Variants in CELF2 observed in about 807,000 individuals in gnomAD.
CELF2 encodes the protein CUGBP Elav-like family member 2, also known as CUG triplet repeat RNA-binding protein 2.
CELF2 carries 8 observed loss-of-function variants against 62.6 expected under a neutral mutation model. That is an observed-to-expected ratio of 0.13 (90% CI 0.07 to 0.23). The LOEUF is 0.23. Ranked by LOEUF, CELF2 falls within the 10% of genes least tolerant of loss-of-function variation. CELF2 has a pLI of 1.00. For synonymous variants in CELF2, 258 were observed against 250.0 expected, an observed-to-expected ratio of 1.03 and a Z score of -0.30; for missense variants, 333 against 671.0, an observed-to-expected ratio of 0.50 and a Z score of 5.56.
the CELF2 span, among the ~76,000 whole-genome samples, chr10:10,647,964 A>C: frequency 6.6e-6 from 1 of 152,208 alleles, no homozygotes. Context: ...ATTTTGATCC[A>C]CTTCCTTCAG....
intron 10 of CELF2, among the ~76,000 whole-genome samples, chr10:11,320,597 CAGCTGTTTAGAAAG>C (rs1278909133): frequency 9.3e-4 from 142 of 152,316 alleles, no homozygotes; most frequent in Middle Eastern, 3.4e-3. Flanking sequence ...CATCATCATT[CAGCTGTTTAGAAAG>C]TCCGTTTTCC....
chr10:10,746,357 C>G, the CELF2 span, among the ~76,000 whole-genome samples: 1 of 152,126 alleles, frequency 6.6e-6, no homozygotes, highest in African/African-American at 2.4e-5. Flanking sequence ...TTAGTCACCC[C>G]GTTTGCTTAC....
intron 1 of CELF2, among the ~76,000 whole-genome samples, chr10:10,805,634 AG>A (rs1351910176): frequency 6.6e-6 from 1 of 152,002 alleles, no homozygotes; most frequent in African/African-American, 2.4e-5. Context: ...TCTTTTAATG[AG>A]GGGGGGAGAC....
the CELF2 span, among the ~76,000 whole-genome samples, chr10:10,584,387 G>A: frequency 3.9e-5 from 6 of 152,300 alleles, no homozygotes; most frequent in South Asian, 8.3e-4. Context: ...ACAGCTGGGC[G>A]TATGCCTTAT....
rs2049020501 is a variant in CELF2 at position 10,957,383 on chromosome 10, TG to T, written c.89+37385del. On this transcript the variant is annotated intron_variant, in intron 2 of 13. Coordinates refer to the CELF2 transcript ENST00000636488. The surrounding 1 kb of genome is among the most constrained non-coding windows in gnomAD (Gnocchi z 4.1). ...GGATTCATTCGCTCTCGCTGAAGGA[TG>T]ATCTCAGATGCCTTCTGTTTGAATG... is the stretch of plus-strand genomic sequence containing the variant. 2.6e-5 allele frequency among the ~76,000 whole-genome samples: 4 copies of T among 152,248 alleles called. 1 individual carries two copies. Among genetic ancestry groups the T allele is most frequent in the Admixed American group, 1.3e-4 (2 of 15,284 alleles).
At chr10:10,479,879 T>TTTTTACC in the CELF2 span, among the ~76,000 whole-genome samples, 2 of 152,190 alleles carry the variant, frequency 1.3e-5, no homozygotes, top group Admixed American at 1.3e-4. Flanking sequence ...AATTTAACCC[T>TTTTTACC]TTTTACCTTT....
the CELF2 span, among the ~76,000 whole-genome samples, chr10:10,666,289 G>A: frequency 6.6e-6 from 1 of 152,174 alleles, no homozygotes; most frequent in Admixed American, 6.5e-5. Flanking sequence ...AGGTCGGGGT[G>A]CTGTGTTGGC....
chr10:10,908,160 C>T (rs1053223209), intron 1 of CELF2, among the ~76,000 whole-genome samples: 4 of 139,386 alleles, frequency 2.9e-5, no homozygotes, highest in African/African-American at 5.3e-5. Flanking sequence ...TACTCCTTTG[C>T]GGAATGAGGG....
chr10:10,472,836 C>T, the CELF2 span, among the ~76,000 whole-genome samples: 1 of 151,922 alleles, frequency 6.6e-6, no homozygotes, highest in African/African-American at 2.4e-5. Flanking sequence ...AGTCTGGCCT[C>T]CTGGAGGTTT....
the CELF2 span, among the ~76,000 whole-genome samples, chr10:10,607,157 T>C: frequency 2.0e-5 from 3 of 152,204 alleles, no homozygotes; most frequent in Non-Finnish European, 4.4e-5. Flanking sequence ...TCAGTAATAC[T>C]CCTAACACTG....
chr10:11,098,859 G>A lies in CELF2; in HGVS notation c.75-66627G>A, dbSNP rs558758732. On this transcript the variant is annotated intron_variant, in intron 1 of 12. Transcript: ENST00000633077. This position sits in a 1 kb window ranked among gnomAD's most constrained non-coding sequence, Gnocchi z 4.0. ...ATTCTACCTGGGCAGCAGGCCACGC[G>A]TGAGAGCAGCTTCCCCGAACCTCTC... 2.2e-4 allele frequency among the ~76,000 whole-genome samples: 33 copies of A among 152,314 alleles called. 1 individual carries two copies. The highest frequency in any genetic ancestry group is 1.5e-3 in the East Asian group (8 of 5,188).
the CELF2 span, among the ~76,000 whole-genome samples, chr10:10,519,312 C>A: frequency 6.6e-6 from 1 of 152,116 alleles, no homozygotes; most frequent in East Asian, 1.9e-4. Context: ...TTGAATAAAT[C>A]TTCTATGCAA....
At chr10:10,971,264 C>G (rs141219043) in intron 2 of CELF2, among the ~76,000 whole-genome samples, 354 of 152,284 alleles carry the variant, frequency 2.3e-3, no homozygotes, top group African/African-American at 8.3e-3. Flanking sequence ...TAGACAGCTA[C>G]TTTCTTTTTA....
At chr10:10,678,015 T>C in the CELF2 span, among the ~76,000 whole-genome samples, 8 of 152,182 alleles carry the variant, frequency 5.3e-5, no homozygotes, top group African/African-American at 1.9e-4. Flanking sequence ...ATCTTTAGTG[T>C]ATATGTATTA....
chr10:11,073,589 A>T (rs1006529619), intron 1 of CELF2, among the ~76,000 whole-genome samples: 1 of 152,176 alleles, frequency 6.6e-6, no homozygotes, highest in African/African-American at 2.4e-5. Flanking sequence ...GTGCCTAAAG[A>T]CTTCATGTGT....
intron 1 of CELF2, among the ~76,000 whole-genome samples, chr10:11,101,739 A>G (rs1015731181): frequency 6.6e-6 from 1 of 152,180 alleles, no homozygotes; most frequent in African/African-American, 2.4e-5. Context: ...ACCTCTGCAT[A>G]CCAAGCATCA....
At chr10:10,792,476 C>T in the CELF2 span, 1 of 398,080 alleles carries the variant, frequency 2.5e-6, no homozygotes, top group Non-Finnish European at 4.4e-6. Flanking sequence ...CAACTGTATT[C>T]GGCTTTCCTT....
At chr10:10,916,423 G>A (rs892649193) in intron 1 of CELF2, among the ~76,000 whole-genome samples, 3 of 152,136 alleles carry the variant, frequency 2.0e-5, no homozygotes, top group Non-Finnish European at 4.4e-5. Context: ...TTTAGCACAT[G>A]AGCGTGTAAA....
At chr10:10,588,498 C>T in the CELF2 span, among the ~76,000 whole-genome samples, 1 of 152,144 alleles carries the variant, frequency 6.6e-6, no homozygotes, top group East Asian at 1.9e-4. Context: ...CTGGGATACC[C>T]AGAAGCCTCT....
Sources: allele counts gnomAD v4.1 joint callset (sites outside exome capture counted in the v4.1 genomes callset), GRCh38; gene constraint gnomAD v4.1.1; non-coding constraint Gnocchi (gnomAD v3.1); transcripts MANE v1.5; gene names NCBI Gene and HGNC (gene_info 2026-07-23, HGNC 2026-07-21).